Variants in SBF2 observed in about 807,000 individuals in gnomAD.
SBF2 encodes SET binding factor 2.
Under a neutral mutation model 225.2 loss-of-function variants are expected in SBF2, and 112 were observed. The observed-to-expected ratio is 0.50, with a 90% CI of 0.43 to 0.58. The LOEUF (loss-of-function observed/expected upper bound fraction) is 0.58. SBF2 is among the 20% of genes least tolerant of loss of function. The pLI is 0.00. For synonymous variants in SBF2, 763 were observed against 773.3 expected (o/e 0.99, Z 0.22); for missense variants, 1,996 against 2,206.2 (o/e 0.90, Z 1.91).
intron 22 of SBF2, among the ~76,000 whole-genome samples, chr11:9,848,365 G>T (rs978836776): frequency 6.6e-6 from 1 of 151,956 alleles, no homozygotes; most frequent in Non-Finnish European, 1.5e-5. Context: ...TTTTAAATTA[G>T]AAATTTAAAA....
chr11:10,254,824 CCAAGAGGTGGAGGTTGCAG>C (rs2135496137), intron 1 of SBF2, among the ~76,000 whole-genome samples: 1 of 128,796 alleles, frequency 7.8e-6, no homozygotes, highest in East Asian at 2.5e-4. Context: ...CAGCTTGAAC[CCAAGAGGTGGAGGTTGCAG>C]TGAGCTGAGA....
Position 10,069,539 on chromosome 11 carries a change from T to C in SBF2, c.142-26558A>G, listed in dbSNP as rs187124976. 1.0e-3 allele frequency among the ~76,000 whole-genome samples: 158 copies of C among 152,326 alleles called. 1 individual carries two copies. Among genetic ancestry groups the C allele is most frequent in the African/African-American group, 3.6e-3 (149 of 41,574 alleles). On this transcript the variant is annotated intron_variant, in intron 2 of 39. Transcript: ENST00000256190. The stretch of plus-strand genomic sequence containing the variant: ...ATTCTATGGTGTATATGTGCCACAT[T>C]TTCTTTATCCAGTCTATCATTGATG...
intron 2 of SBF2, among the ~76,000 whole-genome samples, chr11:10,142,124 C>A (rs1156444789): frequency 6.6e-6 from 1 of 152,142 alleles, no homozygotes; most frequent in African/African-American, 2.4e-5. Context: ...TAGATATGAA[C>A]TGTACCACTT....
chr11:10,174,327 G>T (rs7935252), intron 2 of SBF2, among the ~76,000 whole-genome samples: 27,798 of 152,132 alleles, frequency 0.18, 2,739 homozygotes, highest in Middle Eastern at 0.26. Flanking sequence ...GGAGCTGATG[G>T]AGCTGAAAAC....
At chr11:10,113,341 T>A (rs540400503) in intron 2 of SBF2, among the ~76,000 whole-genome samples, 4 of 152,256 alleles carry the variant, frequency 2.6e-5, no homozygotes, top group African/African-American at 7.2e-5. Flanking sequence ...TGACACACAT[T>A]AAAAATCTTA....
chr11:9,994,898 A>C (rs1947623154), intron 9 of SBF2, among the ~76,000 whole-genome samples: 1 of 151,828 alleles, frequency 6.6e-6, no homozygotes, highest in Admixed American at 6.6e-5. Context: ...TTAGCCAGGC[A>C]TGGTGGCACA....
intron 1 of SBF2, among the ~76,000 whole-genome samples, chr11:10,243,176 G>GA (rs746851460): frequency 1.3e-5 from 2 of 151,634 alleles, no homozygotes; most frequent in East Asian, 3.9e-4. Context: ...AAAACAAAAA[G>GA]AAAAAAATTC....
At chr11:9,913,367 G>A (rs1438442337) in intron 16 of SBF2, among the ~76,000 whole-genome samples, 1 of 152,142 alleles carries the variant, frequency 6.6e-6, no homozygotes, top group Admixed American at 6.5e-5. Context: ...ATCACAAAGA[G>A]ATAGCATTAC....
At chr11:10,233,850 C>T (rs999593638) in intron 1 of SBF2, among the ~76,000 whole-genome samples, 3 of 152,262 alleles carry the variant, frequency 2.0e-5, no homozygotes, top group South Asian at 2.1e-4. Flanking sequence ...GGGACTCCTT[C>T]GATATACAAT....
chr11:9,786,470 A>G (rs908449771), intron 36 of SBF2, among the ~76,000 whole-genome samples: 3 of 152,238 alleles, frequency 2.0e-5, no homozygotes, highest in Non-Finnish European at 4.4e-5. Flanking sequence ...GTCTGATAAC[A>G]GCTCCTGAAT....
At chr11:9,804,860 T>G (rs1165732989) in intron 32 of SBF2, among the ~76,000 whole-genome samples, 1 of 152,206 alleles carries the variant, frequency 6.6e-6, no homozygotes, top group Non-Finnish European at 1.5e-5. Context: ...GGACATTTGG[T>G]TTGTTTTTCA....
At chr11:10,071,192 A>G (rs1950851950) in intron 2 of SBF2, among the ~76,000 whole-genome samples, 2 of 151,336 alleles carry the variant, frequency 1.3e-5, no homozygotes, top group Non-Finnish European at 1.5e-5. Flanking sequence ...AACCTCCAAC[A>G]CTAAGTTGAA....
At chr11:10,279,920 A>G (rs1243936953) in intron 1 of SBF2, among the ~76,000 whole-genome samples, 1 of 152,198 alleles carries the variant, frequency 6.6e-6, no homozygotes, top group Non-Finnish European at 1.5e-5. Context: ...AAGTGCTGGG[A>G]TTACAGGCGT....
chr11:9,819,526 T>C (rs1328302471), intron 28 of SBF2: 4 of 152,224 alleles, frequency 2.6e-5, no homozygotes, highest in African/African-American at 9.6e-5. Flanking sequence ...AGCACCTGTT[T>C]ATAAATACTA....
intron 1 of SBF2, among the ~76,000 whole-genome samples, chr11:10,265,225 G>A (rs1177986902): frequency 2.0e-5 from 3 of 151,968 alleles, no homozygotes; most frequent in Non-Finnish European, 2.9e-5. Flanking sequence ...CTATTTCTCC[G>A]CATCCTCTCC....
At chr11:10,030,888 C>A (rs1296239160) in intron 4 of SBF2, among the ~76,000 whole-genome samples, 160 bp downstream of exon 4, 4 of 152,032 alleles carry the variant, frequency 2.6e-5, no homozygotes, top group Non-Finnish European at 5.9e-5. Context: ...TTTATTTCAC[C>A]CAACATGAAA....
chr11:9,807,808 T>C (rs920171082), intron 32 of SBF2, 192 bp downstream of exon 32: 1 of 635,414 alleles, frequency 1.6e-6, no homozygotes, highest in Non-Finnish European at 2.8e-6. Context: ...GCTGTCCTAG[T>C]TTCAGAAACC....
chr11:9,924,714 G>A (rs953675754), intron 16 of SBF2, among the ~76,000 whole-genome samples: 13 of 152,084 alleles, frequency 8.5e-5, no homozygotes, highest in Admixed American at 6.6e-4. Flanking sequence ...TTACAGGCGT[G>A]AGCCACCACG....
chr11:10,025,744 C>T (rs908611150), intron 6 of SBF2, among the ~76,000 whole-genome samples: 3 of 152,042 alleles, frequency 2.0e-5, no homozygotes, highest in African/African-American at 7.2e-5. Flanking sequence ...GCACTACAGG[C>T]ACCTGCCACC....
Sources: gnomAD v4.1 joint callset for allele counts (sites outside exome capture counted in the v4.1 genomes callset) on GRCh38, gnomAD v4.1.1 for gene constraint, MANE v1.5 for transcripts, NCBI Gene and HGNC (gene_info 2026-07-23, HGNC 2026-07-21) for gene names.